Variants in SLC25A13 observed in about 807,000 individuals in gnomAD.
SLC25A13 encodes solute carrier family 25 member 13.
A neutral mutation model predicts 85.5 loss-of-function variants in SLC25A13; 70 were observed. That is an observed-to-expected ratio of 0.82 (90% CI 0.68 to 1.00). SLC25A13 has a LOEUF of 1.00. Ranked by LOEUF, SLC25A13 falls within the 50% of genes least tolerant of loss-of-function variation. The pLI, the probability that SLC25A13 is intolerant of heterozygous loss-of-function variation, is 0.00. For missense variants in SLC25A13, 765 were observed against 819.8 expected (o/e 0.93, Z 0.82); for synonymous variants, 259 against 288.7 (o/e 0.90, Z 1.04).
At chr7:96,235,234 T>C (rs1454970726) in intron 3 of SLC25A13, among the ~76,000 whole-genome samples, 1 of 152,196 alleles carries the variant, frequency 6.6e-6, no homozygotes, top group Non-Finnish European at 1.5e-5. Context: ...ATAATAAAAG[T>C]GCAGATACTT....
chr7:96,247,141 T>G (rs1193365763), intron 3 of SLC25A13, among the ~76,000 whole-genome samples: 1 of 152,202 alleles, frequency 6.6e-6, no homozygotes, highest in African/African-American at 2.4e-5. Flanking sequence ...TGCCCGAATC[T>G]CTAGTCTGCC....
rs141470377 is a variant in SLC25A13, at chr7:96,173,606, G to T, written c.1178-2082C>A. On this transcript the variant is annotated intron_variant, in intron 11 of 17. Transcript: ENST00000265631. The stretch of plus-strand genomic sequence containing the variant: ...TTTTTTATTTTTAACAAAGAGATAA[G>T]CCCTCACTATGTTGCCCAGACCAGT... Among the ~76,000 whole-genome samples, 985 of 151,628 alleles carry T rather than the reference G, an allele frequency of 6.5e-3. 10 individuals carry two copies. The highest frequency in any genetic ancestry group is 0.023 in the African/African-American group (926 of 41,008).
intron 2 of SLC25A13, among the ~76,000 whole-genome samples, chr7:96,291,666 T>G (rs1160824126): frequency 6.6e-6 from 1 of 152,096 alleles, no homozygotes; most frequent in African/African-American, 2.4e-5. Context: ...GCAAATAAAC[T>G]AGAAAATCTA....
intron 4 of SLC25A13, among the ~76,000 whole-genome samples, chr7:96,220,646 TTAAAA>T (rs1486608931): frequency 6.6e-6 from 1 of 152,198 alleles, no homozygotes; most frequent in African/African-American, 2.4e-5. Context: ...TACAGTTAGT[TTAAAA>T]TAGTCAAATT....
chr7:96,321,541 G>GA (rs1800341889), intron 1 of SLC25A13, among the ~76,000 whole-genome samples: 1 of 152,212 alleles, frequency 6.6e-6, no homozygotes. Context: ...GAAGAAGCCG[G>GA]AGTCAACAAC....
At chr7:96,197,602 C>T (rs993751729) in intron 5 of SLC25A13, among the ~76,000 whole-genome samples, 2 of 152,182 alleles carry the variant, frequency 1.3e-5, no homozygotes, top group African/African-American at 4.8e-5. Flanking sequence ...TCCTGGTTTG[C>T]ACCTCAAAAG....
At chr7:96,148,057 A>C (rs1792875907) in intron 13 of SLC25A13, among the ~76,000 whole-genome samples, 1 of 152,204 alleles carries the variant, frequency 6.6e-6, no homozygotes, top group Non-Finnish European at 1.5e-5. Flanking sequence ...TCAAAGAAAG[A>C]TGTTCGTTCA....
At chr7:96,247,032 C>T (rs962133565) in intron 3 of SLC25A13, among the ~76,000 whole-genome samples, 1 of 152,150 alleles carries the variant, frequency 6.6e-6, no homozygotes, top group African/African-American at 2.4e-5. Flanking sequence ...CTATTATGAC[C>T]ATACAATACA....
chr7:96,179,730 A>G (rs984905631), intron 11 of SLC25A13, among the ~76,000 whole-genome samples: 1 of 152,228 alleles, frequency 6.6e-6, no homozygotes, highest in Non-Finnish European at 1.5e-5. Context: ...GCAATCATTA[A>G]AAGTTTTGGT....
chr7:96,262,265 A>G (rs2116898108), intron 3 of SLC25A13, among the ~76,000 whole-genome samples: 1 of 152,332 alleles, frequency 6.6e-6, no homozygotes, highest in South Asian at 2.1e-4. Context: ...GTCTAGATCA[A>G]GCAAATCAAA....
intron 3 of SLC25A13, among the ~76,000 whole-genome samples, chr7:96,241,266 C>A (rs932885751): frequency 6.6e-6 from 1 of 152,136 alleles, no homozygotes; most frequent in Admixed American, 6.5e-5. Context: ...AAAAACACCT[C>A]TTTACTCCTC....
At chr7:96,224,585 G>C (rs1395109587) in intron 4 of SLC25A13, among the ~76,000 whole-genome samples, 1 of 152,014 alleles carries the variant, frequency 6.6e-6, no homozygotes, top group Non-Finnish European at 1.5e-5. Flanking sequence ...AGCTTTTCTG[G>C]GTAAAACTCA....
intron 11 of SLC25A13, among the ~76,000 whole-genome samples, chr7:96,182,836 C>A (rs1794472012): frequency 6.6e-6 from 1 of 152,204 alleles, no homozygotes; most frequent in Non-Finnish European, 1.5e-5. Flanking sequence ...GCATCCTTGA[C>A]ATTTAATCTA....
At chr7:96,280,950 T>C (rs1257891744) in intron 2 of SLC25A13, among the ~76,000 whole-genome samples, 1 of 152,100 alleles carries the variant, frequency 6.6e-6, no homozygotes, top group East Asian at 1.9e-4. Flanking sequence ...GAAGTGTGCA[T>C]ATACACAAAA....
chr7:96,216,650 A>G (rs1429222234), intron 4 of SLC25A13, among the ~76,000 whole-genome samples: 2 of 152,240 alleles, frequency 1.3e-5, no homozygotes, highest in Non-Finnish European at 2.9e-5. Context: ...ATGCAGGAAC[A>G]GAAAACCAAA....
chr7:96,281,431 A>G (rs1238167701), intron 2 of SLC25A13, among the ~76,000 whole-genome samples: 3 of 152,082 alleles, frequency 2.0e-5, no homozygotes, highest in Non-Finnish European at 4.4e-5. Flanking sequence ...CTCCAACTAC[A>G]TATGACAACA....
chr7:96,259,841 T>A (rs139125672), intron 3 of SLC25A13, among the ~76,000 whole-genome samples: 23,545 of 152,108 alleles, frequency 0.15, 2,163 homozygotes, highest in South Asian at 0.23. Flanking sequence ...AAAGAAAATG[T>A]GGCATATATA....
intron 13 of SLC25A13, chr7:96,166,937 C>T (rs1793776235): frequency 6.6e-6 from 1 of 152,104 alleles, no homozygotes; most frequent in African/African-American, 2.4e-5. Context: ...GCAGGGAAGA[C>T]TGAAGGTCCA....
At chr7:96,130,192 C>A (rs1791962802) in intron 15 of SLC25A13, among the ~76,000 whole-genome samples, 1 of 152,092 alleles carries the variant, frequency 6.6e-6, no homozygotes, top group South Asian at 2.1e-4. Context: ...TACCTGTCTT[C>A]TCCAAGAAAA....
Sources: allele counts gnomAD v4.1 joint callset (sites outside exome capture counted in the v4.1 genomes callset), GRCh38; gene constraint gnomAD v4.1.1; transcripts MANE v1.5; gene names NCBI Gene and HGNC (gene_info 2026-07-23, HGNC 2026-07-21).